The following CFAP44 variants were observed in gnomAD, a reference collection of about 807,000 sequenced individuals.
CFAP44 encodes cilia- and flagella-associated protein 44.
A neutral mutation model predicts 216.2 loss-of-function variants in CFAP44; 134 were observed. The ratio of observed to expected loss-of-function variants is 0.62; its 90% confidence interval spans 0.54 to 0.72. CFAP44 has a LOEUF of 0.72. Ranked by LOEUF, CFAP44 falls within the 30% of genes least tolerant of loss-of-function variation. The pLI is 0.00. For synonymous variants in CFAP44, 700 were observed against 727.6 expected, an observed-to-expected ratio of 0.96 and a Z score of 0.61; for missense variants, 2,035 against 2,182.1, an observed-to-expected ratio of 0.93 and a Z score of 1.34.
chr3:113,345,786 T>C (rs930318799), intron 22 of CFAP44, among the ~76,000 whole-genome samples: 5 of 152,290 alleles, frequency 3.3e-5, no homozygotes, highest in Admixed American at 6.5e-5. Context: ...TCTTAGAATT[T>C]AATTTATTTT....
intron 1 of CFAP44, 80 bp from the exon 2 acceptor site, chr3:113,433,749 T>A (rs2291413): frequency 0.24 from 258,406 of 1,094,962 alleles, 33,896 homozygotes; most frequent in East Asian, 0.51. Context: ...CATATTTCAT[T>A]AGCACCAAAC....
chr3:113,338,303 G>A (rs577677143), intron 24 of CFAP44, among the ~76,000 whole-genome samples: 63 of 135,594 alleles, frequency 4.6e-4, no homozygotes, highest in Middle Eastern at 4.1e-3. Context: ...TCTGTTAAGG[G>A]AATGAAAAGA....
intron 28 of CFAP44, among the ~76,000 whole-genome samples, chr3:113,311,813 T>C (rs1009802698): frequency 6.6e-6 from 1 of 152,164 alleles, no homozygotes; most frequent in African/African-American, 2.4e-5. Flanking sequence ...GATAGTGATA[T>C]GGACAATAAG....
chr3:113,389,855 C>T (rs1933746380), intron 15 of CFAP44, among the ~76,000 whole-genome samples: 1 of 151,910 alleles, frequency 6.6e-6, no homozygotes, highest in Non-Finnish European at 1.5e-5. Context: ...AGATCAAAGC[C>T]ATAATAAAAA....
intron 24 of CFAP44, 89 bp downstream of exon 24, chr3:113,341,655 C>T: frequency 1.6e-6 from 2 of 1,246,464 alleles, no homozygotes; most frequent in Non-Finnish European, 2.1e-6. Flanking sequence ...TAAATGATAA[C>T]AATGTCAATA....
At position 113,344,467 on chromosome 3, in the gene CFAP44, T is replaced by C. The variant is rs540408931; in HGVS notation, c.3262+49A>G. ...GGTTCTGTCCACAGACAATTCACTT[T>C]TGAAGTCTTAGTAAATAAGAATTTA... On this transcript the variant is annotated intron_variant, in intron 23 of 34. Coordinates refer to ENST00000393845, the MANE Select transcript of CFAP44 (RefSeq NM_001164496.2). The C allele has an allele frequency of 1.2e-5, 18 of 1,477,416 alleles. No individual in the cohort carries two copies. The South Asian group carries it at 1.8e-4, about 15-fold the overall frequency. 91.5% of individuals were successfully genotyped at this position (1,477,416 alleles called of 1,614,324 possible). A position where few individuals can be genotyped will look rare whatever the true frequency, so the allele number is the denominator to read the frequency against.
rs569989924 is a variant in CFAP44, at chr3:113,375,159, T to G, written c.2299-1603A>C. ...CAAAATCATAAGAAAGAAAGTATGG[T>G]TGCCAGGGGCTGAGAGAAGGGAAGA... On this transcript the variant is annotated intron_variant, in intron 17 of 34. Coordinates refer to ENST00000393845, the MANE Select transcript of CFAP44 (RefSeq NM_001164496.2). 7.0e-4 allele frequency among the ~76,000 whole-genome samples: 107 copies of G among 152,294 alleles called. 1 individual carries two copies. Among genetic ancestry groups the G allele is most frequent in the African/African-American group, 2.5e-3 (104 of 41,572 alleles).
intron 24 of CFAP44, among the ~76,000 whole-genome samples, chr3:113,336,272 C>T (rs1031856007): frequency 4.6e-5 from 7 of 151,770 alleles, no homozygotes; most frequent in Admixed American, 1.3e-4. Flanking sequence ...AAATCTATGA[C>T]CAAAAGCTAG....
At chr3:113,319,405 C>T (rs1207964138) in intron 28 of CFAP44, among the ~76,000 whole-genome samples, 1 of 151,652 alleles carries the variant, frequency 6.6e-6, no homozygotes, top group East Asian at 1.9e-4. Flanking sequence ...AATATATATG[C>T]ACCCAACATT....
At chr3:113,338,380 G>A (rs1950300620) in intron 24 of CFAP44, among the ~76,000 whole-genome samples, 1 of 151,134 alleles carries the variant, frequency 6.6e-6, no homozygotes, top group Non-Finnish European at 1.5e-5. Context: ...ATATATCCAG[G>A]ACTAGTATCT....
In CFAP44 at chr3:113,287,139, G is replaced by A; in HGVS notation, c.*4418C>T. On this transcript the variant is annotated 3_prime_UTR_variant, in exon 35 of 35. Coordinates refer to ENST00000393845, the MANE Select transcript of CFAP44 (RefSeq NM_001164496.2). ...GGCGCGGGACAGACTCCTAACCTGG[G>A]GCCTCTGCAGTGGCAGGCGAGGCTG... 1 of 457,486 alleles carries A rather than the reference G, an allele frequency of 2.2e-6. No homozygotes were observed. The allele number at this position is 457,486 out of a possible 1,614,324, so 28.3% of individuals were successfully genotyped here.
In CFAP44 at chr3:113,344,710, A is replaced by C; in HGVS notation, c.3068T>G (p.Phe1023Cys). 1.3e-6 allele frequency: 2 copies of C among 1,492,372 alleles called. No homozygotes were observed. The highest frequency in any genetic ancestry group is 1.8e-6 in the Non-Finnish European group (2 of 1,129,982). 92.4% of individuals were successfully genotyped at this position (1,492,372 alleles called of 1,614,324 possible). A position where few individuals can be genotyped will look rare whatever the true frequency, so the allele number is the denominator to read the frequency against. ...AGTATCACTTTCCAGTGGATCTCGA[A>C]ATCTGAAAAAATAAAACAAGTATTT... ...ELGLMKLKNR[F>C]RDPLESDTIV... Residue 1023 changes from phenylalanine to cysteine, a missense_variant and splice_region_variant, in exon 23 of 35, where the codon TTT becomes TGT. This residue lies in a region of CFAP44 where 1,883 missense variants were observed against 2,023.7 expected (regional missense o/e 0.93). Transcript: ENST00000393845.
chr3:113,419,990 T>A, intron 5 of CFAP44, 27 bp downstream of exon 5: 1 of 1,600,932 alleles, frequency 6.2e-7, no homozygotes, highest in Non-Finnish European at 8.5e-7. Context: ...TTTTTTGGGG[T>A]TTTTTTCTAA....
Position 113,290,020 on chromosome 3 carries a change from C to T in CFAP44, c.*1537G>A, listed in dbSNP as rs542215646. 9.8e-5 allele frequency: 15 copies of T among 152,356 alleles called. No homozygotes were observed. Among genetic ancestry groups the T allele is most frequent in the African/African-American group, 3.1e-4 (13 of 41,572 alleles). The allele number at this position is 152,356 out of a possible 1,614,324, so 9.4% of individuals were successfully genotyped here. ...CCAAGCTGTCCCCAGATTCCTGGAC[C>T]TCAGAAACCCTCTCACTCCTGGGTG... On this transcript the variant is annotated 3_prime_UTR_variant, in exon 35 of 35. Coordinates refer to ENST00000393845, the MANE Select transcript of CFAP44 (RefSeq NM_001164496.2).
At chr3:113,375,572 G>T (rs1200274741) in intron 17 of CFAP44, among the ~76,000 whole-genome samples, 1 of 152,162 alleles carries the variant, frequency 6.6e-6, no homozygotes, top group East Asian at 1.9e-4. Context: ...GCAACACTGT[G>T]GTAGATAATG....
At chr3:113,310,866 T>C (rs1950031036) in intron 28 of CFAP44, among the ~76,000 whole-genome samples, 1 of 152,216 alleles carries the variant, frequency 6.6e-6, no homozygotes, top group African/African-American at 2.4e-5. Context: ...CATTATAAGA[T>C]GCCTGCTCCT....
chr3:113,415,933 C>T (rs1191049881), intron 6 of CFAP44, among the ~76,000 whole-genome samples: 1 of 152,048 alleles, frequency 6.6e-6, no homozygotes, highest in Admixed American at 6.6e-5. Flanking sequence ...TTTTCTGTCT[C>T]ATTGATTTAA....
rs11925633 is a variant in CFAP44 at position 113,345,834 on chromosome 3, T to C, written c.3066-1122A>G. ...TTATTCCTAGCTTGTTTGCCTTTCTTACTATTTTTCTAACTTAATCTTTTA... is the reference window on the plus strand; with the variant it reads ...TTATTCCTAGCTTGTTTGCCTTTCTCACTATTTTTCTAACTTAATCTTTTA... On this transcript the variant is annotated intron_variant, in intron 22 of 34. Coordinates refer to ENST00000393845, the MANE Select transcript of CFAP44 (RefSeq NM_001164496.2). 8.9e-3 allele frequency among the ~76,000 whole-genome samples: 1,357 copies of C among 152,334 alleles called. 17 individuals carry two copies. Among genetic ancestry groups the C allele is most frequent in the African/African-American group, 0.03 (1,266 of 41,570 alleles).
At chr3:113,355,576 A>T (rs1950485721) in intron 22 of CFAP44, among the ~76,000 whole-genome samples, 1 of 152,204 alleles carries the variant, frequency 6.6e-6, no homozygotes, top group Admixed American at 6.5e-5. Flanking sequence ...AGGAACATGG[A>T]TGAAGCTGGA....
Sources: gnomAD v4.1 joint callset for allele counts (sites outside exome capture counted in the v4.1 genomes callset) on GRCh38, gnomAD v4.1.1 for gene constraint, gnomAD v4.1.1 regional missense constraint, MANE v1.5 for transcripts, NCBI Gene and HGNC (gene_info 2026-07-23, HGNC 2026-07-21) for gene names.